CERS6: variants seen among roughly 807,000 people sequenced by gnomAD.
CERS6 encodes LAG1 homolog, ceramide synthase 6.
A neutral mutation model predicts 56.8 loss-of-function variants in CERS6; 26 were observed. That is an observed-to-expected ratio of 0.46 (90% CI 0.34 to 0.63). The LOEUF is 0.63. CERS6 is among the 30% of genes least tolerant of loss of function. The pLI is 0.01. For missense variants in CERS6, 415 were observed against 467.5 expected, an observed-to-expected ratio of 0.89 and a Z score of 1.04; for synonymous variants, 164 against 173.3, an observed-to-expected ratio of 0.95 and a Z score of 0.42.
rs574404726 is a variant in CERS6 at position 168,748,833 on chromosome 2, G to C, written c.846-16759G>C. Among the ~76,000 whole-genome samples the C allele has an allele frequency of 8.3e-3, 873 of 105,624 alleles. 9 individuals carry two copies. The highest frequency in any genetic ancestry group is 0.051 in the African/African-American group (691 of 13,668). The allele number at this position is 105,624 out of a possible 152,430, so 69.3% of individuals were successfully genotyped here. A position where few individuals can be genotyped will look rare whatever the true frequency, so the allele number is the denominator to read the frequency against. On this transcript the variant is annotated intron_variant, in intron 8 of 9. Coordinates refer to ENST00000305747, the MANE Select transcript of CERS6 (RefSeq NM_203463.3). Reference sequence around the variant, plus strand: ...CCCAGAAATGGCGTGGTTGGGGGTGGGGGGGGGGCAGGTATTAAATGCCAT... The same window carrying C: ...CCCAGAAATGGCGTGGTTGGGGGTGCGGGGGGGGCAGGTATTAAATGCCAT...
Position 168,590,512 on chromosome 2 carries a change from A to C in CERS6, c.407+29190A>C, listed in dbSNP as rs188624862. The stretch of plus-strand genomic sequence containing the variant: ...GTAAGCCACTTGGAAGTGAAGTTTC[A>C]AAGTAAAATTGCTTTTTTACCACCA... On this transcript the variant is annotated intron_variant, in intron 3 of 9. Coordinates refer to ENST00000305747, the MANE Select transcript of CERS6 (RefSeq NM_203463.3). Among the ~76,000 whole-genome samples the C allele has an allele frequency of 9.0e-4, 137 of 152,332 alleles. 2 individuals are homozygous for C. The highest frequency in any genetic ancestry group is 2.7e-3 in the African/African-American group (112 of 41,576).
intron 4 of CERS6, among the ~76,000 whole-genome samples, chr2:168,631,576 T>C (rs373623687): frequency 3.0e-5 from 2 of 66,648 alleles, no homozygotes; most frequent in South Asian, 6.1e-4. Context: ...TTAAATATAA[T>C]ATATATTTAA....
Position 168,770,421 on chromosome 2 carries a change from T to A in CERS6, c.*759T>A, listed in dbSNP as rs965299238. 6.6e-6 allele frequency: 1 copy of A among 152,278 alleles called. No homozygotes were observed. Among genetic ancestry groups the A allele is most frequent in the South Asian group, 2.1e-4 (1 of 4,834 alleles). The allele number at this position is 152,278 out of a possible 1,614,324, so 9.4% of individuals were successfully genotyped here. On this transcript the variant is annotated 3_prime_UTR_variant, in exon 10 of 10. Transcript: ENST00000305747. ...TTGTTTGTTTTTCTCTGTGATGAGG[T>A]CAGTGCTCTGATTTTGAAGGAGGAT...
rs1198641795 is a variant in CERS6, at chr2:168,714,583, T to C, written c.610-418T>C. Among the ~76,000 whole-genome samples the C allele has an allele frequency of 2.0e-5, 3 of 152,248 alleles. No homozygotes were observed. The East Asian group carries it at 5.8e-4, about 29-fold the overall frequency. ...ATTATGTAGTGATTTCTCCCTTAGCTTCAAATTATTTGGCTTGGTACAAAG... is the reference window on the plus strand; with the variant it reads ...ATTATGTAGTGATTTCTCCCTTAGCCTCAAATTATTTGGCTTGGTACAAAG... On this transcript the variant is annotated intron_variant, in intron 6 of 9. Transcript: ENST00000305747.
At chr2:168,582,439 G>A (rs1223613770) in intron 3 of CERS6, among the ~76,000 whole-genome samples, 1 of 152,042 alleles carries the variant, frequency 6.6e-6, no homozygotes, top group Non-Finnish European at 1.5e-5. Context: ...ATGCTTTTAA[G>A]GATATTTTTT....
chr2:168,524,700 A>G (rs939599237), intron 1 of CERS6, among the ~76,000 whole-genome samples: 1 of 152,222 alleles, frequency 6.6e-6, no homozygotes, highest in African/African-American at 2.4e-5. Context: ...TTTGACTTCT[A>G]GAATGAGACA....
chr2:168,579,026 C>G (rs1281725426), intron 3 of CERS6, among the ~76,000 whole-genome samples: 1 of 152,038 alleles, frequency 6.6e-6, no homozygotes, highest in African/African-American at 2.4e-5. Context: ...TTAATCTGAA[C>G]AGGAACACAA....
chr2:168,687,990 C>A (rs1686399294), intron 4 of CERS6, among the ~76,000 whole-genome samples: 1 of 152,304 alleles, frequency 6.6e-6, no homozygotes, highest in African/African-American at 2.4e-5. Flanking sequence ...AGGTGTGAGC[C>A]ACAATGACTG....
chr2:168,621,722 G>A (rs961325995), intron 3 of CERS6, among the ~76,000 whole-genome samples: 1 of 152,104 alleles, frequency 6.6e-6, no homozygotes, highest in Admixed American at 6.5e-5. Context: ...GCTGTTAATG[G>A]AGCCTATGAC....
chr2:168,621,452 A>C (rs1400384499), intron 3 of CERS6, among the ~76,000 whole-genome samples: 1 of 152,210 alleles, frequency 6.6e-6, no homozygotes, highest in African/African-American at 2.4e-5. Flanking sequence ...TTAAGCTGAC[A>C]ATTATAAGAT....
chr2:168,596,765 AGGC>A, intron 3 of CERS6, among the ~76,000 whole-genome samples: 1 of 152,080 alleles, frequency 6.6e-6, no homozygotes, highest in Non-Finnish European at 1.5e-5. Flanking sequence ...CATGTTGGCC[AGGC>A]TGATCATGAA....
At chr2:168,713,282 A>G (rs1193222217) in intron 6 of CERS6, among the ~76,000 whole-genome samples, 1 of 152,166 alleles carries the variant, frequency 6.6e-6, no homozygotes, top group Non-Finnish European at 1.5e-5. Flanking sequence ...CAGTTTTCGG[A>G]TATGCTTTTC....
At chr2:168,496,275 T>C (rs2105341977) in intron 1 of CERS6, among the ~76,000 whole-genome samples, 1 of 152,296 alleles carries the variant, frequency 6.6e-6, no homozygotes, top group East Asian at 1.9e-4. Flanking sequence ...TTGATACCTG[T>C]ACAATGACAC....
intron 3 of CERS6, among the ~76,000 whole-genome samples, chr2:168,607,563 G>A (rs773000537): frequency 3.7e-4 from 57 of 152,052 alleles, no homozygotes; most frequent in Non-Finnish European, 7.4e-5. Context: ...TGTATTTTTA[G>A]TAGAGACGGG....
chr2:168,714,127 G>C (rs1326134490), intron 6 of CERS6, among the ~76,000 whole-genome samples: 1 of 152,202 alleles, frequency 6.6e-6, no homozygotes, highest in Non-Finnish European at 1.5e-5. Flanking sequence ...TATGGTGGAA[G>C]GGGCAAAGCA....
At chr2:168,621,989 AGT>A (rs1394055692) in intron 3 of CERS6, among the ~76,000 whole-genome samples, 1 of 152,228 alleles carries the variant, frequency 6.6e-6, no homozygotes, top group African/African-American at 2.4e-5. Context: ...ATACATTCTG[AGT>A]GAGCATAATT....
At chr2:168,520,618 TTTTTTTTTTG>T (rs1694960858) in intron 1 of CERS6, among the ~76,000 whole-genome samples, 1 of 133,880 alleles carries the variant, frequency 7.5e-6, no homozygotes, top group Non-Finnish European at 1.6e-5. Flanking sequence ...TTTTTTTTTT[TTTTTTTTTTG>T]AGAAGCAGTT....
At chr2:168,463,158 A>G (rs116493657) in intron 1 of CERS6, among the ~76,000 whole-genome samples, 2,771 of 152,300 alleles carry the variant, frequency 0.018, 84 homozygotes, top group African/African-American at 0.063. Context: ...TTAACTTTAT[A>G]TAACTTAAAA....
chr2:168,513,139 A>T (rs1694818270), intron 1 of CERS6, among the ~76,000 whole-genome samples: 1 of 152,294 alleles, frequency 6.6e-6, no homozygotes, highest in African/African-American at 2.4e-5. Context: ...AGGTCTGCTG[A>T]GTTTTTTAGA....
Sources: allele counts gnomAD v4.1 joint callset (sites outside exome capture counted in the v4.1 genomes callset), GRCh38; gene constraint gnomAD v4.1.1; transcripts MANE v1.5; gene names NCBI Gene and HGNC (gene_info 2026-07-23, HGNC 2026-07-21).